Variants in CNTN3 observed in about 807,000 individuals in gnomAD.
The protein encoded by CNTN3 is contactin 3, also known as contactin-3.
A neutral mutation model predicts 119.1 loss-of-function variants in CNTN3; 60 were observed. The observed-to-expected ratio is 0.50, with a 90% CI of 0.41 to 0.62. The LOEUF (loss-of-function observed/expected upper bound fraction) is 0.62. Among genes scored for constraint, CNTN3 ranks in the 20% least tolerant of loss-of-function variants. The pLI is 0.00. For missense variants in CNTN3, 1,101 were observed against 1,242.4 expected (o/e 0.89, Z 1.71); for synonymous variants, 450 against 438.7 (o/e 1.03, Z -0.32).
At chr3:74,578,661 TC>T (rs1335560249) in intron 1 of CNTN3, among the ~76,000 whole-genome samples, 2 of 151,998 alleles carry the variant, frequency 1.3e-5, no homozygotes, top group African/African-American at 4.8e-5. Context: ...TTTCCATGTC[TC>T]CTGGAAAGGG....
intron 4 of CNTN3, among the ~76,000 whole-genome samples, chr3:74,437,750 C>T (rs1162893816): frequency 1.3e-5 from 2 of 151,692 alleles, no homozygotes; most frequent in Admixed American, 6.6e-5. Context: ...ATCAAAACTA[C>T]ACTTTTTTTT....
chr3:74,438,007 T>C (rs1310653249), intron 4 of CNTN3, among the ~76,000 whole-genome samples: 4 of 152,226 alleles, frequency 2.6e-5, no homozygotes, highest in East Asian at 3.8e-4. Context: ...GGGTATGCCA[T>C]AGAGGAGTTT....
chr3:74,377,067 C>T (rs982292901), intron 5 of CNTN3, among the ~76,000 whole-genome samples: 2 of 151,858 alleles, frequency 1.3e-5, no homozygotes, highest in African/African-American at 4.8e-5. Flanking sequence ...AACTACAACC[C>T]CCAAACAAAT....
At chr3:74,535,160 A>G (rs1029994625) in intron 1 of CNTN3, among the ~76,000 whole-genome samples, 3 of 152,098 alleles carry the variant, frequency 2.0e-5, no homozygotes, top group African/African-American at 7.2e-5. Flanking sequence ...TGTTTTTAAA[A>G]TTTGCTTTAT....
chr3:74,437,968 A>G (rs1017764554), intron 4 of CNTN3, among the ~76,000 whole-genome samples: 4 of 152,342 alleles, frequency 2.6e-5, no homozygotes, highest in Admixed American at 1.3e-4. Flanking sequence ...ATTACACAAT[A>G]TCATATTTAA....
intron 1 of CNTN3, among the ~76,000 whole-genome samples, chr3:74,591,251 G>A (rs963998042): frequency 1.3e-5 from 2 of 151,934 alleles, no homozygotes; most frequent in African/African-American, 4.8e-5. Context: ...TAAAGGGGAT[G>A]TTAGAAATTA....
intron 13 of CNTN3, among the ~76,000 whole-genome samples, chr3:74,321,072 A>G (rs556502464): frequency 2.0e-4 from 31 of 152,276 alleles, no homozygotes; most frequent in African/African-American, 7.5e-4. Flanking sequence ...TATAAGTGGG[A>G]GCTAAACACT....
At chr3:74,594,168 T>C (rs939197519) in intron 1 of CNTN3, among the ~76,000 whole-genome samples, 3 of 151,638 alleles carry the variant, frequency 2.0e-5, no homozygotes, top group African/African-American at 7.3e-5. Flanking sequence ...CTGTGTGGTC[T>C]TGTTAGGCTC....
At chr3:74,342,179 TGA>T (rs1450861185) in intron 11 of CNTN3, among the ~76,000 whole-genome samples, 22 of 152,106 alleles carry the variant, frequency 1.4e-4, no homozygotes, top group African/African-American at 5.3e-4. Context: ...AAAATAAACA[TGA>T]GAGAAAAAGA....
intron 13 of CNTN3, among the ~76,000 whole-genome samples, chr3:74,317,589 A>G (rs1167386521): frequency 3.5e-5 from 5 of 142,754 alleles, no homozygotes; most frequent in African/African-American, 5.3e-5. Flanking sequence ...TTTCTCCTTC[A>G]CTTATGAAGC....
At chr3:74,569,324 A>T (rs1382958244) in intron 1 of CNTN3, among the ~76,000 whole-genome samples, 1 of 152,172 alleles carries the variant, frequency 6.6e-6, no homozygotes, top group African/African-American at 2.4e-5. Context: ...TGGGAGGATG[A>T]AAGCCAGCTC....
chr3:74,463,473 T>C (rs1702408090), intron 4 of CNTN3, among the ~76,000 whole-genome samples: 2 of 152,154 alleles, frequency 1.3e-5, no homozygotes, highest in South Asian at 4.1e-4. Flanking sequence ...AATCCATGGT[T>C]CTTTCTCTCA....
chr3:74,502,825 A>G (rs1439341123), intron 2 of CNTN3, among the ~76,000 whole-genome samples: 2 of 152,160 alleles, frequency 1.3e-5, no homozygotes, highest in Non-Finnish European at 2.9e-5. Context: ...CAGATATCAA[A>G]GCACATCTCA....
At chr3:74,381,646 C>A (rs1704626894) in intron 5 of CNTN3, among the ~76,000 whole-genome samples, 1 of 152,110 alleles carries the variant, frequency 6.6e-6, no homozygotes, top group Non-Finnish European at 1.5e-5. Flanking sequence ...TTCCTACCCC[C>A]CTACACTATC....
At chr3:74,537,426 A>G (rs1158319929) in intron 1 of CNTN3, among the ~76,000 whole-genome samples, 1 of 152,126 alleles carries the variant, frequency 6.6e-6, no homozygotes, top group Non-Finnish European at 1.5e-5. Context: ...CAGAATTTGT[A>G]TTTTTAAAAA....
At chr3:74,553,803 G>C in intron 1 of CNTN3, among the ~76,000 whole-genome samples, 1 of 152,162 alleles carries the variant, frequency 6.6e-6, no homozygotes, top group African/African-American at 2.4e-5. Flanking sequence ...GTTCTTCGTA[G>C]ATTACGGATA....
intron 1 of CNTN3, among the ~76,000 whole-genome samples, chr3:74,595,011 T>A (rs1162095160): frequency 1.3e-5 from 2 of 152,170 alleles, no homozygotes; most frequent in Admixed American, 6.5e-5. Context: ...AGATGGTATC[T>A]CATTGTGGTT....
intron 5 of CNTN3, among the ~76,000 whole-genome samples, chr3:74,407,820 T>C (rs1013117323): frequency 6.6e-6 from 1 of 152,166 alleles, no homozygotes; most frequent in Non-Finnish European, 1.5e-5. Context: ...TACTTGATGG[T>C]AGCACTCCTC....
intron 10 of CNTN3, among the ~76,000 whole-genome samples, chr3:74,363,565 G>A (rs1704122476): frequency 6.6e-6 from 1 of 152,092 alleles, no homozygotes; most frequent in African/African-American, 2.4e-5. Context: ...CTGACCATAT[G>A]GATTGGTTCA....
Sources: gnomAD v4.1 joint callset for allele counts (sites outside exome capture counted in the v4.1 genomes callset) on GRCh38, gnomAD v4.1.1 for gene constraint, MANE v1.5 for transcripts, NCBI Gene and HGNC (gene_info 2026-07-23, HGNC 2026-07-21) for gene names.